Variants in ZSWIM5 observed in about 807,000 individuals in gnomAD.
The protein encoded by ZSWIM5 is zinc finger SWIM-type containing 5, also known as zinc finger SWIM domain-containing protein 5.
A neutral mutation model predicts 119.6 loss-of-function variants in ZSWIM5; 55 were observed. The observed-to-expected ratio is 0.46, with a 90% CI of 0.37 to 0.58. The LOEUF is 0.58. Ranked by LOEUF, ZSWIM5 falls within the 20% of genes least tolerant of loss-of-function variation. The pLI, the probability that ZSWIM5 is intolerant of heterozygous loss-of-function variation, is 0.00. For missense variants in ZSWIM5, 1,193 were observed against 1,512.8 expected, an observed-to-expected ratio of 0.79 and a Z score of 3.51; for synonymous variants, 537 against 606.9, an observed-to-expected ratio of 0.88 and a Z score of 1.69.
chr1:45,183,554 T>C (rs1458649901), intron 1 of ZSWIM5, among the ~76,000 whole-genome samples: 1 of 152,042 alleles, frequency 6.6e-6, no homozygotes, highest in Non-Finnish European at 1.5e-5. Context: ...CAATAAAAAA[T>C]GATAAAGGGG....
chr1:45,019,336 C>T lies in ZSWIM5; in HGVS notation c.2696-20G>A. ...GCACACCTGTCAGGGGGAGCCTGAG[C>T]TCAGCCGTGGCCATCTGGGTCCTGA... On this transcript the variant is annotated intron_variant, in intron 13 of 13. Coordinates refer to ENST00000359600, the MANE Select transcript of ZSWIM5 (RefSeq NM_020883.2). This position sits in a 1 kb window ranked among gnomAD's most constrained non-coding sequence, Gnocchi z 5.0. 2 of 1,596,496 alleles carry T rather than the reference C, an allele frequency of 1.3e-6. No individual in the cohort carries two copies. The highest frequency in any genetic ancestry group is 1.7e-6 in the Non-Finnish European group (2 of 1,173,570).
chr1:45,107,683 CCAA>C (rs1292033060), intron 1 of ZSWIM5, among the ~76,000 whole-genome samples: 2 of 152,132 alleles, frequency 1.3e-5, no homozygotes, highest in East Asian at 3.9e-4. Flanking sequence ...TAATTTTCCC[CCAA>C]CAACTCTGTG....
Position 45,017,505 on chromosome 1 carries a change from CATAA to C in ZSWIM5, c.*945_*948del, listed in dbSNP as rs796943882. ...CACAGCCATAGAACTGACACATACA[CATAA>C]ATATATATGTGCACAAACAGGCATG... On this transcript the variant is annotated 3_prime_UTR_variant, in exon 14 of 14. Transcript: ENST00000359600. The C allele has an allele frequency of 1.1e-4, 17 of 152,330 alleles. 1 individual carries two copies. Among genetic ancestry groups the C allele is most frequent in the African/African-American group, 4.1e-4 (17 of 41,580 alleles). 9.4% of individuals were successfully genotyped at this position (152,330 alleles called of 1,614,324 possible). A position where few individuals can be genotyped will look rare whatever the true frequency, so the allele number is the denominator to read the frequency against.
intron 11 of ZSWIM5, among the ~76,000 whole-genome samples, chr1:45,025,756 T>C (rs1472777126): frequency 1.3e-5 from 2 of 152,238 alleles, no homozygotes; most frequent in African/African-American, 4.8e-5. Context: ...ATGTCATTTG[T>C]GAGCAATATG....
At chr1:45,067,934 AGAGAAATG>A (rs1224865929) in intron 2 of ZSWIM5, among the ~76,000 whole-genome samples, 2 of 152,276 alleles carry the variant, frequency 1.3e-5, no homozygotes, top group South Asian at 2.1e-4. Flanking sequence ...AAAACTAATA[AGAGAAATG>A]GTGACAAGTG....
At chr1:45,181,998 C>A (rs1325399451) in intron 1 of ZSWIM5, among the ~76,000 whole-genome samples, 8 of 152,102 alleles carry the variant, frequency 5.3e-5, no homozygotes, top group Admixed American at 5.2e-4. Context: ...TAAAGACCAT[C>A]GAGACTAGGA....
At chr1:45,149,157 C>A (rs1645780337) in intron 1 of ZSWIM5, among the ~76,000 whole-genome samples, 1 of 151,752 alleles carries the variant, frequency 6.6e-6, no homozygotes, top group African/African-American at 2.4e-5. Context: ...ATAGTCCTAA[C>A]TGATACTAAA....
intron 4 of ZSWIM5, among the ~76,000 whole-genome samples, chr1:45,053,055 G>A (rs141248189): frequency 1.5e-3 from 230 of 151,094 alleles, no homozygotes; most frequent in Middle Eastern, 6.8e-3. Flanking sequence ...TCTGGGAGGC[G>A]GAGGTTGCAG....
chr1:45,043,134 T>C, intron 6 of ZSWIM5, 85 bp downstream of exon 6: 1 of 1,339,996 alleles, frequency 7.5e-7, no homozygotes, highest in Non-Finnish European at 1.0e-6. Context: ...GTAGTTTGAG[T>C]TGCAGGTACG....
intron 5 of ZSWIM5, among the ~76,000 whole-genome samples, chr1:45,048,063 TTCTTTC>T (rs1645066579): frequency 1.9e-4 from 1 of 5,334 alleles, no homozygotes; most frequent in Admixed American, 1.7e-3. Flanking sequence ...CTTTCTTTCT[TTCTTTC>T]CTTTTCTTTT....
intron 5 of ZSWIM5, among the ~76,000 whole-genome samples, chr1:45,049,273 G>A (rs1387617033): frequency 6.6e-6 from 1 of 152,180 alleles, no homozygotes; most frequent in Non-Finnish European, 1.5e-5. Context: ...GTGGCAGACA[G>A]TATAGTTTGA....
intron 4 of ZSWIM5, among the ~76,000 whole-genome samples, chr1:45,052,990 G>T (rs1029817058): frequency 6.6e-6 from 1 of 151,798 alleles, no homozygotes; most frequent in Non-Finnish European, 1.5e-5. Context: ...AGGTGTGTTG[G>T]TGCATGCCTG....
chr1:45,178,477 C>A (rs1645994662), intron 1 of ZSWIM5, among the ~76,000 whole-genome samples: 1 of 152,136 alleles, frequency 6.6e-6, no homozygotes, highest in Admixed American at 6.6e-5. Flanking sequence ...TTTGGGTGGT[C>A]AGATTCTACT....
At chr1:45,179,092 G>A (rs1374476872) in intron 1 of ZSWIM5, among the ~76,000 whole-genome samples, 1 of 151,926 alleles carries the variant, frequency 6.6e-6, no homozygotes, top group Admixed American at 6.6e-5. Flanking sequence ...AATATCTTAG[G>A]AGTAAATCCA....
chr1:45,048,750 A>G (rs1367188597), intron 5 of ZSWIM5, among the ~76,000 whole-genome samples: 1 of 152,178 alleles, frequency 6.6e-6, no homozygotes, highest in African/African-American at 2.4e-5. Context: ...GGATGAGACT[A>G]CTGGAAAAGA....
intron 1 of ZSWIM5, among the ~76,000 whole-genome samples, chr1:45,193,786 GT>G (rs1373719387): frequency 3.9e-5 from 6 of 152,204 alleles, no homozygotes; most frequent in South Asian, 2.1e-4. Flanking sequence ...CTCATTCTAA[GT>G]GCTTTACATA....
At chr1:45,092,112 G>GTT (rs1645369371) in intron 1 of ZSWIM5, among the ~76,000 whole-genome samples, 1 of 152,130 alleles carries the variant, frequency 6.6e-6, no homozygotes, top group East Asian at 1.9e-4. Flanking sequence ...ACAGAACTTT[G>GTT]CATATTATAG....
intron 1 of ZSWIM5, among the ~76,000 whole-genome samples, chr1:45,164,123 C>T (rs1309344545): frequency 5.3e-5 from 8 of 152,132 alleles, no homozygotes; most frequent in South Asian, 2.1e-4. Flanking sequence ...GTGGATCTCT[C>T]GGCAGAAACT....
chr1:45,037,550 T>TTGC (rs1553188389), intron 8 of ZSWIM5, among the ~76,000 whole-genome samples: 1 of 152,238 alleles, frequency 6.6e-6, no homozygotes, highest in African/African-American at 2.4e-5. Flanking sequence ...CTTAAAGGGA[T>TTGC]TAGACCATCT....
Sources: allele counts gnomAD v4.1 joint callset (sites outside exome capture counted in the v4.1 genomes callset), GRCh38; gene constraint gnomAD v4.1.1; non-coding constraint Gnocchi (gnomAD v3.1); transcripts MANE v1.5; gene names NCBI Gene and HGNC (gene_info 2026-07-23, HGNC 2026-07-21).